The following AGBL1 variants were observed in gnomAD, a reference collection of about 807,000 sequenced individuals.
The protein encoded by AGBL1 is cytosolic carboxypeptidase 4.
A neutral mutation model predicts 118.9 loss-of-function variants in AGBL1; 130 were observed. That is an observed-to-expected ratio of 1.09 (90% confidence interval 0.95 to 1.26). AGBL1 has a LOEUF of 1.26. Ranked by LOEUF, AGBL1 falls within the 50% of genes most tolerant of loss-of-function variation. AGBL1 has a pLI of 0.00. For missense variants in AGBL1, 1,584 were observed against 1,298.1 expected, an observed-to-expected ratio of 1.22 and a Z score of -3.38; for synonymous variants, 555 against 478.9, an observed-to-expected ratio of 1.16 and a Z score of -2.08.
chr15:86,402,206 A>G (rs2081458302), intron 18 of AGBL1, among the ~76,000 whole-genome samples: 1 of 151,174 alleles, frequency 6.6e-6, no homozygotes, highest in Non-Finnish European at 1.5e-5. Context: ...TTATTTATTT[A>G]TTTATTTATT....
At chr15:86,244,400 T>G (rs747544327) in intron 6 of AGBL1, among the ~76,000 whole-genome samples, 1 of 152,220 alleles carries the variant, frequency 6.6e-6, no homozygotes, top group African/African-American at 2.4e-5. Flanking sequence ...TTTCATTCTT[T>G]GCTCTTCTCC....
chr15:86,979,816 T>G (rs2081211808), intron 23 of AGBL1, among the ~76,000 whole-genome samples: 1 of 152,124 alleles, frequency 6.6e-6, no homozygotes, highest in Non-Finnish European at 1.5e-5. Flanking sequence ...GGCACTTTCT[T>G]GAAGAACTTG....
intron 1 of AGBL1, among the ~76,000 whole-genome samples, chr15:86,100,151 T>C (rs1289439912): frequency 6.6e-6 from 1 of 152,224 alleles, no homozygotes; most frequent in Non-Finnish European, 1.5e-5. Flanking sequence ...TTGAATTGTG[T>C]ATGTTGAACC....
At chr15:86,212,710 C>T (rs1013435151) in intron 5 of AGBL1, among the ~76,000 whole-genome samples, 8 of 152,196 alleles carry the variant, frequency 5.3e-5, no homozygotes, top group South Asian at 2.1e-4. Context: ...AGTGCAATGG[C>T]GTGATCTTGG....
chr15:86,641,635 A>G (rs1173798575), intron 21 of AGBL1, among the ~76,000 whole-genome samples: 2 of 152,098 alleles, frequency 1.3e-5, no homozygotes, highest in African/African-American at 4.8e-5. Context: ...CACAGTGTGT[A>G]TATTTTTGTA....
At chr15:86,430,482 G>C (rs1194249566) in intron 18 of AGBL1, among the ~76,000 whole-genome samples, 1 of 144,648 alleles carries the variant, frequency 6.9e-6, no homozygotes, top group Non-Finnish European at 1.5e-5. Flanking sequence ...GTGAAAAAGC[G>C]CCGTCGCAAA....
intron 21 of AGBL1, among the ~76,000 whole-genome samples, chr15:86,634,107 G>T (rs1047772533): frequency 2.6e-5 from 4 of 152,042 alleles, no homozygotes; most frequent in African/African-American, 9.7e-5. Flanking sequence ...CTCATACTCT[G>T]ATGGCGAGAA....
At chr15:86,545,228 C>T (rs554738731) in intron 19 of AGBL1, among the ~76,000 whole-genome samples, 21 of 152,266 alleles carry the variant, frequency 1.4e-4, no homozygotes, top group Non-Finnish European at 2.5e-4. Flanking sequence ...GAGTCATAGC[C>T]GATCTCTAGT....
intron 24 of AGBL1, among the ~76,000 whole-genome samples, chr15:86,991,232 T>C (rs1379337304): frequency 1.3e-5 from 2 of 152,140 alleles, no homozygotes; most frequent in East Asian, 3.9e-4. Context: ...TTATTTTTTG[T>C]TCATTTGTTT....
chr15:86,574,570 ATTTTTTTTTT>A (rs776642678), intron 21 of AGBL1, among the ~76,000 whole-genome samples: 1 of 83,758 alleles, frequency 1.2e-5, no homozygotes, highest in Non-Finnish European at 2.2e-5. Flanking sequence ...AAAAGTTTTA[ATTTTTTTTTT>A]TTTTTTTTTT....
At chr15:86,454,361 T>G (rs1210439171) in intron 18 of AGBL1, among the ~76,000 whole-genome samples, 3 of 152,196 alleles carry the variant, frequency 2.0e-5, no homozygotes, top group African/African-American at 7.2e-5. Flanking sequence ...GGAAAACATT[T>G]TTGAAGTTAA....
intron 5 of AGBL1, among the ~76,000 whole-genome samples, chr15:86,188,767 T>G (rs1474630165): frequency 1.3e-5 from 2 of 152,192 alleles, no homozygotes; most frequent in Non-Finnish European, 2.9e-5. Context: ...CTTGATATAC[T>G]GTTGCTGGCC....
At chr15:86,782,402 G>A (rs950048998) in intron 22 of AGBL1, among the ~76,000 whole-genome samples, 10 of 152,112 alleles carry the variant, frequency 6.6e-5, no homozygotes, top group African/African-American at 2.4e-4. Flanking sequence ...CAATTCAGGT[G>A]TAAACTCTAC....
chr15:86,491,984 T>G (rs569918265), intron 18 of AGBL1, among the ~76,000 whole-genome samples: 33 of 152,188 alleles, frequency 2.2e-4, no homozygotes, highest in Non-Finnish European at 4.1e-4. Flanking sequence ...TTTATCTTGG[T>G]TCTCACAATA....
In AGBL1 at chr15:86,134,603, CCTTTTT is replaced by C. The variant is rs1567076444; in HGVS notation, c.52-7400_52-7395del. ...TTAAGACTGTGATGGATCAATGGTGCCTTTTTTTTTTTTTTTTTTTTTTTTTTTGAG... is the reference window on the plus strand; with the variant it reads ...TTAAGACTGTGATGGATCAATGGTGCTTTTTTTTTTTTTTTTTTTTTTGAG... On this transcript the variant is annotated intron_variant, in intron 1 of 22. Transcript: ENST00000614907. 1.9e-4 allele frequency among the ~76,000 whole-genome samples: 22 copies of C among 114,312 alleles called. 1 individual carries two copies. The highest frequency in any genetic ancestry group is 3.5e-4 in the East Asian group (1 of 2,854). 75.0% of individuals were successfully genotyped at this position (114,312 alleles called of 152,430 possible).
intron 18 of AGBL1, among the ~76,000 whole-genome samples, chr15:86,505,496 C>T (rs4473154): frequency 0.033 from 5,005 of 151,970 alleles, 130 homozygotes; most frequent in East Asian, 0.071. Context: ...AAGTGGATAA[C>T]CCCTTCCAGT....
intron 23 of AGBL1, among the ~76,000 whole-genome samples, chr15:86,943,730 G>A (rs958091581): frequency 1.3e-5 from 2 of 152,128 alleles, no homozygotes; most frequent in African/African-American, 4.8e-5. Flanking sequence ...TTTTCTATTG[G>A]CACAGCTGCT....
At chr15:87,017,999 C>T (rs2081623891) in intron 24 of AGBL1, among the ~76,000 whole-genome samples, 1 of 134,698 alleles carries the variant, frequency 7.4e-6, no homozygotes, top group Non-Finnish European at 1.5e-5. Context: ...ATTTACAATG[C>T]AATCACAAGT....
chr15:86,261,596 A>G (rs1219379630), intron 9 of AGBL1, among the ~76,000 whole-genome samples: 2 of 151,308 alleles, frequency 1.3e-5, no homozygotes, highest in Non-Finnish European at 2.9e-5. Flanking sequence ...AATGAAATAT[A>G]CTTGTAAAAC....
Sources: gnomAD v4.1 joint callset for allele counts (sites outside exome capture counted in the v4.1 genomes callset) on GRCh38, gnomAD v4.1.1 for gene constraint, MANE v1.5 for transcripts, NCBI Gene and HGNC (gene_info 2026-07-23, HGNC 2026-07-21) for gene names.